OAS2: variants seen among roughly 807,000 people sequenced by gnomAD.
OAS2 encodes 2'-5'-oligoadenylate synthetase 2.
Under a neutral mutation model 71.3 loss-of-function variants are expected in OAS2, and 67 were observed. The observed-to-expected ratio is 0.94, with a 90% CI of 0.77 to 1.15. OAS2 has a LOEUF of 1.15. OAS2 is among the 50% of genes most tolerant of loss of function. The pLI is 0.00. For missense variants in OAS2, 789 were observed against 822.5 expected (o/e 0.96, Z 0.50); for synonymous variants, 327 against 321.8 (o/e 1.02, Z -0.17).
At chr12:112,982,129 G>A (rs572032357) in intron 1 of OAS2, among the ~76,000 whole-genome samples, 1 of 152,092 alleles carries the variant, frequency 6.6e-6, no homozygotes, top group African/African-American at 2.4e-5. Flanking sequence ...TTTTCTTGGT[G>A]GAGTCTTTAG....
intron 9 of OAS2, among the ~76,000 whole-genome samples, chr12:113,008,341 G>A (rs1320253058): frequency 6.6e-6 from 1 of 151,872 alleles, no homozygotes; most frequent in Non-Finnish European, 1.5e-5. Context: ...CCACCAGCAA[G>A]GGACAAAAAC....
chr12:112,989,815 T>A (rs968743994), intron 2 of OAS2, among the ~76,000 whole-genome samples: 2 of 152,104 alleles, frequency 1.3e-5, no homozygotes, highest in African/African-American at 4.8e-5. Context: ...TTCAGATGAC[T>A]GGGGGTGCTT....
chr12:112,987,827 A>G, intron 2 of OAS2: 1 of 987,346 alleles, frequency 1.0e-6, no homozygotes, highest in South Asian at 4.7e-5. Context: ...TTCCATAGAT[A>G]ACTATCAAAG....
chr12:113,002,854 C>T, intron 5 of OAS2, 78 bp from the exon 6 acceptor site: 1 of 1,345,088 alleles, frequency 7.4e-7, no homozygotes, highest in African/African-American at 1.4e-5. Flanking sequence ...GGGTAGGGGG[C>T]CCAGTACAGG....
rs1181352033 is a variant in OAS2 at position 112,987,181 on chromosome 12, C to G, written c.321C>G (p.Phe107Leu). 1.2e-6 allele frequency: 2 copies of G among 1,614,208 alleles called. No homozygotes were observed. Among genetic ancestry groups the G allele is most frequent in the South Asian group, 2.2e-5 (2 of 91,088 alleles). ...ILDKTGDKLKFCLFTKWLKNN... is the reference protein window; with the variant it reads ...ILDKTGDKLKLCLFTKWLKNN... ...ATAAAACTGGGGATAAGCTGAAGTTCTGTCTGTTCACGAAGTGGTTGAAAA... is the reference window on the plus strand; with the variant it reads ...ATAAAACTGGGGATAAGCTGAAGTTGTGTCTGTTCACGAAGTGGTTGAAAA... Residue 107 changes from phenylalanine to leucine, a missense_variant, in exon 2 of 10, where the codon TTC becomes TTG. Phe to Leu is a conservative substitution (Grantham distance 22). Coordinates refer to ENST00000392583, the MANE Select transcript of OAS2 (RefSeq NM_002535.3).
chr12:113,005,356 G>A (rs2136393694), intron 7 of OAS2, 134 bp downstream of exon 7: 3 of 819,398 alleles, frequency 3.7e-6, no homozygotes, highest in African/African-American at 3.4e-5. Context: ...CATTAGTCAT[G>A]GCAGTAATAC....
rs45590334 is a variant in OAS2 at position 112,998,450 on chromosome 12, G to A, written c.1008+40G>A. The A allele has an allele frequency of 6.0e-3, 9,611 of 1,590,600 alleles. 386 individuals are homozygous for A. In the African/African-American group the frequency reaches 0.098, roughly 16 times the overall value. On this transcript the variant is annotated intron_variant, in intron 5 of 9. Coordinates refer to ENST00000392583, the MANE Select transcript of OAS2 (RefSeq NM_002535.3). ...CAAATACAGGGTGTTTCATGCTGCA[G>A]GAAGGTCTTCCTGACACCCAGGCTA... is the stretch of plus-strand genomic sequence containing the variant.
intron 7 of OAS2, among the ~76,000 whole-genome samples, chr12:113,005,920 A>ACAACAACAACAAC (rs57002769): frequency 3.1e-5 from 1 of 32,748 alleles, no homozygotes; most frequent in African/African-American, 1.6e-4. Flanking sequence ...AACAACAACA[A>ACAACAACAACAAC]AAAAAAAAAA....
At chr12:112,993,399 A>G (rs1032385197) in intron 2 of OAS2, among the ~76,000 whole-genome samples, 2 of 152,226 alleles carry the variant, frequency 1.3e-5, no homozygotes, top group East Asian at 3.8e-4. Flanking sequence ...TTCACTGTAC[A>G]TAAAAGGCTT....
At chr12:112,992,453 A>G (rs925183775) in intron 2 of OAS2, among the ~76,000 whole-genome samples, 10 of 151,864 alleles carry the variant, frequency 6.6e-5, no homozygotes, top group Non-Finnish European at 1.5e-4. Context: ...AGGGGAGGGG[A>G]AGGGAAAATT....
rs1406385221 is a variant in OAS2, at chr12:112,978,652, A to G, written c.44A>G (p.Lys15Arg). Residue 15 changes from lysine to arginine, a missense_variant, in exon 1 of 10, where the codon AAG becomes AGG. Physicochemically the swap from Lys to Arg is conservative, Grantham distance 26 (BLOSUM62 2). Transcript: ENST00000392583. The surrounding 1 kb of genome is among the most constrained non-coding windows in gnomAD (Gnocchi z 4.2). ...ESQLSSVPAQ[K>R]LGWFIQEYLK... ...CAGCTGTCCTCGGTGCCTGCTCAGA[A>G]GCTGGGTTGGTTTATCCAGGAATAC... 1 of 1,614,154 alleles carries G rather than the reference A, an allele frequency of 6.2e-7. No individual in the cohort carries two copies. Among genetic ancestry groups the G allele is most frequent in the Admixed American group, 1.7e-5 (1 of 60,022 alleles).
At position 112,987,308 on chromosome 12, in the gene OAS2, A is replaced by T; in HGVS notation, c.448A>T (p.Ser150Cys). ...GGTGCTGGCCGCCTTCAACGCTCTG[A>T]GTAAGCATTGCTGGGTGTCAGGAGA... ...FEVLAAFNALSLNDNPSPWIY... is the reference protein window; with the variant it reads ...FEVLAAFNALCLNDNPSPWIY... Residue 150 changes from serine to cysteine, a missense_variant and splice_region_variant, in exon 2 of 10, where the codon AGC (serine) becomes TGC (cysteine). Transcript: ENST00000392583. The T allele has an allele frequency of 6.2e-7, 1 of 1,614,190 alleles. No individual in the cohort carries two copies. The highest frequency in any genetic ancestry group is 8.5e-7 in the Non-Finnish European group (1 of 1,180,010).
At chr12:112,994,075 T>G (rs2044214577) in intron 2 of OAS2, among the ~76,000 whole-genome samples, 1 of 152,092 alleles carries the variant, frequency 6.6e-6, no homozygotes, top group Non-Finnish European at 1.5e-5. Flanking sequence ...AAAAGGAACC[T>G]CAGACCTCTC....
At chr12:112,984,727 G>T (rs2044116286) in intron 1 of OAS2, among the ~76,000 whole-genome samples, 1 of 152,018 alleles carries the variant, frequency 6.6e-6, no homozygotes, top group Admixed American at 6.6e-5. Flanking sequence ...TTTGTCATTT[G>T]TGTATCTGCT....
chr12:113,007,515 C>T (rs2044344645), intron 8 of OAS2, among the ~76,000 whole-genome samples, 190 bp from the exon 9 acceptor site: 1 of 152,186 alleles, frequency 6.6e-6, no homozygotes. Context: ...TGGTCAAAAG[C>T]ACAACAAAGA....
At chr12:112,998,121 A>T in intron 4 of OAS2, 145 bp from the exon 5 acceptor site, 1 of 835,204 alleles carries the variant, frequency 1.2e-6, no homozygotes, top group Non-Finnish European at 1.9e-6. Context: ...TTGATGTCGT[A>T]GACAAAATCC....
Position 113,009,118 on chromosome 12 carries a change from G to T in OAS2, c.1927G>T (p.Gly643Cys). ...GATCTTGGACCCAGCCGAACCCACAGGTGACGTGGGTGGAGGGGACCGTTG... is the reference window on the plus strand; with the variant it reads ...GATCTTGGACCCAGCCGAACCCACATGTGACGTGGGTGGAGGGGACCGTTG... The part of the protein sequence containing the change: ...PVILDPAEPT[G>C]DVGGGDRWCW... Residue 643 changes from glycine to cysteine, a missense_variant, in exon 10 of 10, where the codon GGT (glycine) becomes TGT (cysteine). Physicochemically the swap from Gly to Cys is radical, Grantham distance 159. Coordinates refer to ENST00000392583, the MANE Select transcript of OAS2 (RefSeq NM_002535.3). 1 of 1,613,924 alleles carries T rather than the reference G, an allele frequency of 6.2e-7. No individual in the cohort carries two copies.
chr12:113,001,779 A>C (rs1356430867), intron 5 of OAS2, among the ~76,000 whole-genome samples: 1 of 147,380 alleles, frequency 6.8e-6, no homozygotes, highest in Non-Finnish European at 1.5e-5. Flanking sequence ...TAATTACAGC[A>C]CTTTGAGAGG....
At chr12:112,980,614 T>C (rs1419078630) in intron 1 of OAS2, among the ~76,000 whole-genome samples, 1 of 152,238 alleles carries the variant, frequency 6.6e-6, no homozygotes, top group Non-Finnish European at 1.5e-5. Flanking sequence ...GTATATATAC[T>C]ACATTGTCTT....
Sources: allele counts gnomAD v4.1 joint callset (sites outside exome capture counted in the v4.1 genomes callset), GRCh38; gene constraint gnomAD v4.1.1; non-coding constraint Gnocchi (gnomAD v3.1); transcripts MANE v1.5; gene names NCBI Gene and HGNC (gene_info 2026-07-23, HGNC 2026-07-21).